WDR27: variants seen among roughly 807,000 people sequenced by gnomAD.
The protein encoded by WDR27 is WD repeat domain 27.
WDR27 carries 100 observed loss-of-function variants against 114.4 expected under a neutral mutation model. That is an observed-to-expected ratio of 0.87 (90% CI 0.74 to 1.03). The LOEUF (loss-of-function observed/expected upper bound fraction) is 1.03, where lower values mean the gene tolerates loss of function less well. Among genes scored for constraint, WDR27 ranks in the 50% least tolerant of loss-of-function variants. The pLI is 0.00. For synonymous variants in WDR27, 449 were observed against 423.1 expected (o/e 1.06, Z -0.75); for missense variants, 1,129 against 1,092.9 (o/e 1.03, Z -0.47).
rs187842740 is a variant in WDR27 at position 169,651,675 on chromosome 6, C to G, written c.1481+255G>C. 4.3e-4 allele frequency among the ~76,000 whole-genome samples: 65 copies of G among 152,268 alleles called. No individual in the cohort carries two copies. In the East Asian group the frequency reaches 0.01, roughly 24 times the overall value. ...TTCCCCTCACCTCCCGGGACCACCA[C>G]GTTATCAGAAAAGGACTCGGAGGAC... is the stretch of plus-strand genomic sequence containing the variant. On this transcript the variant is annotated intron_variant, in intron 14 of 25. Transcript: ENST00000448612.
chr6:169,445,286 C>T, the WDR27 span, among the ~76,000 whole-genome samples: 10 of 152,136 alleles, frequency 6.6e-5, no homozygotes, highest in African/African-American at 1.4e-4. Flanking sequence ...ACTGAGACTA[C>T]GGGGAGTCCT....
chr6:169,506,998 A>G (rs536300047), intron 25 of WDR27, among the ~76,000 whole-genome samples: 1 of 152,384 alleles, frequency 6.6e-6, no homozygotes, highest in Non-Finnish European at 1.5e-5. Flanking sequence ...TTAGAATTTA[A>G]TCCAAACAAC....
chr6:169,598,209 T>A (rs937760974), intron 23 of WDR27, among the ~76,000 whole-genome samples: 4 of 152,186 alleles, frequency 2.6e-5, no homozygotes, highest in African/African-American at 9.7e-5. Context: ...TCAGCTTGGA[T>A]TTAGGGTGGG....
chr6:169,655,142 C>T (rs1176272888), intron 13 of WDR27, among the ~76,000 whole-genome samples: 1 of 152,234 alleles, frequency 6.6e-6, no homozygotes, highest in Non-Finnish European at 1.5e-5. Context: ...CTCCTGTGAC[C>T]ACCCAGTGCT....
rs138118768 is a variant in WDR27, at chr6:169,666,753, C to T, written c.712+383G>A. 1.0e-3 allele frequency: 992 copies of T among 995,226 alleles called. 2 individuals are homozygous for T. In the African/African-American group the frequency reaches 0.016, roughly 16 times the overall value. 61.6% of individuals were successfully genotyped at this position (995,226 alleles called of 1,614,324 possible). ...TGACCATGAGGCCAGGTGTGGCGCACGCCCAAGCTCACGCTGGATGGACAG... is the reference window on the plus strand; with the variant it reads ...TGACCATGAGGCCAGGTGTGGCGCATGCCCAAGCTCACGCTGGATGGACAG... On this transcript the variant is annotated intron_variant, in intron 6 of 25. Transcript: ENST00000448612.
chr6:169,498,125 CATT>C (rs1790645228), intron 25 of WDR27, among the ~76,000 whole-genome samples: 1 of 151,844 alleles, frequency 6.6e-6, no homozygotes, highest in Non-Finnish European at 1.5e-5. Context: ...ACCTTGAAGA[CATT>C]ATGTTAAATG....
chr6:169,431,573 A>AT, the WDR27 span, among the ~76,000 whole-genome samples: 3 of 151,878 alleles, frequency 2.0e-5, no homozygotes, highest in Non-Finnish European at 2.9e-5. Flanking sequence ...TTTATGAGGG[A>AT]TTTTTTTCCC....
intron 25 of WDR27, among the ~76,000 whole-genome samples, chr6:169,502,618 C>T (rs561682289): frequency 6.6e-6 from 1 of 152,280 alleles, no homozygotes; most frequent in South Asian, 2.1e-4. Context: ...GGGCTGTGGC[C>T]CCTTCTCATC....
the WDR27 span, among the ~76,000 whole-genome samples, chr6:169,446,948 G>A: frequency 2.6e-5 from 4 of 152,288 alleles, no homozygotes; most frequent in East Asian, 7.7e-4. Flanking sequence ...GGAAAAGTTG[G>A]TCTTTCTAAA....
chr6:169,619,733 T>C (rs1812672796), intron 21 of WDR27, among the ~76,000 whole-genome samples: 1 of 152,212 alleles, frequency 6.6e-6, no homozygotes, highest in South Asian at 2.1e-4. Flanking sequence ...CAAGGTTCTT[T>C]TGAAGCCTCA....
chr6:169,470,236 TA>T (rs1043897192), intron 25 of WDR27, among the ~76,000 whole-genome samples: 1 of 152,150 alleles, frequency 6.6e-6, no homozygotes, highest in Non-Finnish European at 1.5e-5. Flanking sequence ...TGTTCATAAT[TA>T]TTTACATTCC....
chr6:169,634,663 A>G (rs1247574356), intron 19 of WDR27, 138 bp from the exon 20 acceptor site: 1 of 560,184 alleles, frequency 1.8e-6, no homozygotes, highest in African/African-American at 2.0e-5. Flanking sequence ...ACTGAGGGGA[A>G]AAGTGAATTA....
At chr6:169,470,219 C>A (rs976597988) in intron 25 of WDR27, among the ~76,000 whole-genome samples, 2 of 152,164 alleles carry the variant, frequency 1.3e-5, no homozygotes, top group African/African-American at 2.4e-5. Context: ...TGTTTTTACC[C>A]ATATTCTGTT....
intron 25 of WDR27, among the ~76,000 whole-genome samples, chr6:169,477,558 C>A (rs1221948280): frequency 6.6e-6 from 1 of 152,178 alleles, no homozygotes; most frequent in Non-Finnish European, 1.5e-5. Context: ...TGTGCCCCAG[C>A]CTCCCAAGTA....
chr6:169,509,670 A>G (rs1409707413), intron 25 of WDR27, among the ~76,000 whole-genome samples: 4 of 152,026 alleles, frequency 2.6e-5, no homozygotes, highest in African/African-American at 9.7e-5. Context: ...CTAAAACCAT[A>G]AAAACCCTAG....
Position 169,689,012 on chromosome 6 carries a change from T to A in WDR27, c.-7A>T, listed in dbSNP as rs551231057. The A allele has an allele frequency of 6.2e-7, 1 of 1,605,276 alleles. No individual in the cohort carries two copies. On this transcript the variant is annotated splice_region_variant and 5_prime_UTR_variant, in exon 2 of 26. Coordinates refer to ENST00000448612, the MANE Select transcript of WDR27 (RefSeq NM_182552.5). ...TGTCTTGGGGATTTTCCATCTTCAA[T>A]CTGAAAACAAAAAGTACATATAAGA... is the stretch of plus-strand genomic sequence containing the variant.
At chr6:169,517,373 T>G (rs1793809568) in intron 25 of WDR27, among the ~76,000 whole-genome samples, 1 of 152,218 alleles carries the variant, frequency 6.6e-6, no homozygotes, top group South Asian at 2.1e-4. Context: ...CAGGTATTTC[T>G]TTATAGCAAC....
chr6:169,439,375 G>A, the WDR27 span, among the ~76,000 whole-genome samples: 3 of 151,968 alleles, frequency 2.0e-5, no homozygotes, highest in African/African-American at 4.8e-5. Flanking sequence ...CATTATAACT[G>A]TGACTGTTCT....
chr6:169,498,462 C>T (rs1200553280), intron 25 of WDR27, among the ~76,000 whole-genome samples: 1 of 151,612 alleles, frequency 6.6e-6, no homozygotes, highest in Non-Finnish European at 1.5e-5. Context: ...TGTATTTTAC[C>T]ATAATAAAAA....
Sources: gnomAD v4.1 joint callset for allele counts (sites outside exome capture counted in the v4.1 genomes callset) on GRCh38, gnomAD v4.1.1 for gene constraint, MANE v1.5 for transcripts, NCBI Gene and HGNC (gene_info 2026-07-23, HGNC 2026-07-21) for gene names.